Variants in FNDC3B observed in about 807,000 individuals in gnomAD.
The protein encoded by FNDC3B is fibronectin type III domain-containing protein 3B.
FNDC3B carries 12 observed loss-of-function variants against 151.5 expected under a neutral mutation model. The observed-to-expected ratio is 0.08, with a 90% CI of 0.05 to 0.13. The LOEUF is 0.13. Ranked by LOEUF, FNDC3B falls within the 10% of genes least tolerant of loss-of-function variation. The pLI is 1.00. For missense variants in FNDC3B, 1,214 were observed against 1,505.3 expected, an observed-to-expected ratio of 0.81 and a Z score of 3.20; for synonymous variants, 528 against 549.0, an observed-to-expected ratio of 0.96 and a Z score of 0.54.
At chr3:172,332,692 T>C (rs1732740205) in intron 13 of FNDC3B, among the ~76,000 whole-genome samples, 1 of 152,202 alleles carries the variant, frequency 6.6e-6, no homozygotes. Context: ...CTTTCTCCCA[T>C]GGCCAGAAGA....
At chr3:172,205,089 G>T (rs1246157106) in intron 3 of FNDC3B, among the ~76,000 whole-genome samples, 4 of 152,186 alleles carry the variant, frequency 2.6e-5, no homozygotes, top group Non-Finnish European at 5.9e-5. Context: ...TAGTCAGTGA[G>T]AACTCAGTAT....
At position 172,401,232 on chromosome 3, in the gene FNDC3B, T is replaced by C. The variant is rs1358766388; in HGVS notation, c.*3757T>C. 1 of 152,266 alleles carries C rather than the reference T, an allele frequency of 6.6e-6. No homozygotes were observed. The allele number at this position is 152,266 out of a possible 1,614,324, so 9.4% of individuals were successfully genotyped here. ...CGCACCCAGCCTTATTCTTCCCTTT[T>C]AAATACTTAAAGCACATTCAGATTA... On this transcript the variant is annotated 3_prime_UTR_variant, in exon 26 of 26. Transcript: ENST00000415807.
chr3:172,087,745 A>AT (rs1197513328), intron 1 of FNDC3B, among the ~76,000 whole-genome samples: 1 of 152,214 alleles, frequency 6.6e-6, no homozygotes, highest in African/African-American at 2.4e-5. Flanking sequence ...GGAAAAATTA[A>AT]TGCTGATGTA....
At chr3:172,272,353 A>G (rs536368734) in intron 6 of FNDC3B, among the ~76,000 whole-genome samples, 1 of 152,212 alleles carries the variant, frequency 6.6e-6, no homozygotes, top group South Asian at 2.1e-4. Flanking sequence ...TCCCGTTATG[A>G]AACCAAGCCA....
rs563070397 is a variant in FNDC3B at position 172,392,518 on chromosome 3, A to G, written c.3304-4646A>G. On this transcript the variant is annotated intron_variant, in intron 25 of 25. Coordinates refer to ENST00000415807, the MANE Select transcript of FNDC3B (RefSeq NM_022763.4). ...AGCCTGGCCTCCGTTCCAGACCATA[A>G]GATCCTTTTTTTGTCTTTCAACTTG... is the stretch of plus-strand genomic sequence containing the variant. Among the ~76,000 whole-genome samples, 137 of 152,246 alleles carry G rather than the reference A, an allele frequency of 9.0e-4. 1 individual carries two copies. The highest frequency in any genetic ancestry group is 1.7e-3 in the Non-Finnish European group (118 of 68,008).
intron 23 of FNDC3B, 139 bp downstream of exon 23, chr3:172,362,984 G>A (rs1734438684): frequency 4.6e-6 from 3 of 655,876 alleles, no homozygotes; most frequent in South Asian, 4.1e-5. Context: ...TGAGCCCTGC[G>A]TTTTATACCC....
At chr3:172,191,971 G>C (rs758700761) in intron 3 of FNDC3B, among the ~76,000 whole-genome samples, 2 of 152,034 alleles carry the variant, frequency 1.3e-5, no homozygotes, top group African/African-American at 4.8e-5. Context: ...AAGTGTGGTC[G>C]GGGTGGTACA....
chr3:172,041,458 C>T (rs1716066189), intron 1 of FNDC3B, among the ~76,000 whole-genome samples: 1 of 144,318 alleles, frequency 6.9e-6, no homozygotes, highest in Admixed American at 7.0e-5. Context: ...TCCTTCTCTT[C>T]TCCTCCTCCT....
chr3:172,343,239 A>G (rs945561524), intron 18 of FNDC3B, 123 bp downstream of exon 18: 3 of 633,044 alleles, frequency 4.7e-6, no homozygotes, highest in Non-Finnish European at 8.6e-6. Flanking sequence ...TCTGTTGAGG[A>G]TGTCCATATT....
chr3:172,224,995 T>C (rs1334141021), intron 3 of FNDC3B, among the ~76,000 whole-genome samples: 2 of 152,202 alleles, frequency 1.3e-5, no homozygotes, highest in Non-Finnish European at 2.9e-5. Flanking sequence ...CTGAAGTTGA[T>C]TTTGATGTAA....
chr3:172,371,844 A>C (rs1174407583), intron 23 of FNDC3B, among the ~76,000 whole-genome samples: 1 of 152,202 alleles, frequency 6.6e-6, no homozygotes, highest in African/African-American at 2.4e-5. Flanking sequence ...TGCCATTCTG[A>C]GGACTCCTTC....
intron 6 of FNDC3B, among the ~76,000 whole-genome samples, chr3:172,274,732 T>C (rs1388030467): frequency 6.6e-6 from 1 of 152,124 alleles, no homozygotes; most frequent in Non-Finnish European, 1.5e-5. Flanking sequence ...TTCAGGGCCA[T>C]GAGGGAAGGA....
chr3:172,061,250 T>G (rs1281636660), intron 1 of FNDC3B, among the ~76,000 whole-genome samples: 2 of 151,374 alleles, frequency 1.3e-5, no homozygotes, highest in African/African-American at 4.9e-5. Context: ...TTTTTTTTTT[T>G]GAGATGGAGT....
rs1736377989 is a variant in FNDC3B at position 172,397,931 on chromosome 3, A to G, written c.*456A>G. The G allele has an allele frequency of 1.3e-5, 2 of 152,974 alleles. No homozygotes were observed. Among genetic ancestry groups the G allele is most frequent in the African/African-American group, 2.4e-5 (1 of 41,438 alleles). The allele number at this position is 152,974 out of a possible 1,614,324, so 9.5% of individuals were successfully genotyped here. ...GCTAGGATTTCAGTGTTGTCAGAGT[A>G]TTACCACACAGCAACAGCAACATAC... On this transcript the variant is annotated 3_prime_UTR_variant, in exon 26 of 26. Transcript: ENST00000415807.
At chr3:172,158,932 A>G (rs1225101726) in intron 3 of FNDC3B, among the ~76,000 whole-genome samples, 2 of 152,018 alleles carry the variant, frequency 1.3e-5, no homozygotes, top group South Asian at 4.1e-4. Flanking sequence ...CAGTTGCTCT[A>G]GCAATATTTT....
chr3:172,043,747 T>TTTACA (rs776698065), intron 1 of FNDC3B, among the ~76,000 whole-genome samples: 47 of 152,330 alleles, frequency 3.1e-4, no homozygotes, highest in South Asian at 8.3e-4. Flanking sequence ...AAAAACAATG[T>TTTACA]TTACATGTCA....
chr3:172,379,148 T>C (rs1735304522), intron 24 of FNDC3B, among the ~76,000 whole-genome samples: 1 of 152,152 alleles, frequency 6.6e-6, no homozygotes, highest in Non-Finnish European at 1.5e-5. Flanking sequence ...AGGCAGGAAA[T>C]AGCAATAGAA....
chr3:172,268,895 C>G (rs1729050263), intron 6 of FNDC3B, among the ~76,000 whole-genome samples: 1 of 152,106 alleles, frequency 6.6e-6, no homozygotes, highest in Non-Finnish European at 1.5e-5. Flanking sequence ...CTTTTGGAAT[C>G]AATTTAAATG....
chr3:172,108,500 T>C (rs1011972446), intron 1 of FNDC3B, among the ~76,000 whole-genome samples: 1 of 152,248 alleles, frequency 6.6e-6, no homozygotes, highest in Non-Finnish European at 1.5e-5. Flanking sequence ...TCCTGAGGTC[T>C]CCTCACAGCT....
Sources: allele counts gnomAD v4.1 joint callset (sites outside exome capture counted in the v4.1 genomes callset), GRCh38; gene constraint gnomAD v4.1.1; transcripts MANE v1.5; gene names NCBI Gene and HGNC (gene_info 2026-07-23, HGNC 2026-07-21).